The following CDK19 variants were observed in gnomAD, a reference collection of about 807,000 sequenced individuals.
CDK19 encodes cyclin-dependent kinase 19.
CDK19 carries 20 observed loss-of-function variants against 68.3 expected under a neutral mutation model. The observed-to-expected ratio is 0.29, with a 90% confidence interval of 0.21 to 0.43. CDK19 has a LOEUF of 0.43. Among genes scored for constraint, CDK19 ranks in the 20% least tolerant of loss-of-function variants. CDK19 has a pLI of 1.00. For missense variants in CDK19, 339 were observed against 623.5 expected (o/e 0.54, Z 4.86); for synonymous variants, 221 against 222.8 (o/e 0.99, Z 0.07).
At chr6:110,814,163 G>C in intron 1 of CDK19, 1 of 186,086 alleles carries the variant, frequency 5.4e-6, no homozygotes, top group South Asian at 8.7e-5. Context: ...CTGTCACTTC[G>C]TATTCCGTTC....
At chr6:110,809,880 A>C (rs1036176382) in intron 1 of CDK19, among the ~76,000 whole-genome samples, 2 of 152,234 alleles carry the variant, frequency 1.3e-5, no homozygotes, top group Non-Finnish European at 2.9e-5. Context: ...GTGACTTTAC[A>C]TATGTAAGAA....
chr6:110,707,436 T>C (rs930788767), intron 2 of CDK19, among the ~76,000 whole-genome samples: 2 of 152,136 alleles, frequency 1.3e-5, no homozygotes, highest in African/African-American at 2.4e-5. Flanking sequence ...TTTGGATACC[T>C]GGATACCTGT....
At chr6:110,663,402 A>G (rs752464212) in intron 4 of CDK19, among the ~76,000 whole-genome samples, 1 of 152,224 alleles carries the variant, frequency 6.6e-6, no homozygotes, top group Non-Finnish European at 1.5e-5. Flanking sequence ...TAAAGCAAGC[A>G]TACAGTTTAA....
intron 3 of CDK19, among the ~76,000 whole-genome samples, chr6:110,668,459 T>C (rs9386934): frequency 0.16 from 23,860 of 152,108 alleles, 2,089 homozygotes; most frequent in East Asian, 0.32. Flanking sequence ...AATAGAAAAA[T>C]AGAGTTTATA....
chr6:110,797,826 AAC>A (rs1782046290), intron 1 of CDK19, among the ~76,000 whole-genome samples: 1 of 151,962 alleles, frequency 6.6e-6, no homozygotes, highest in East Asian at 1.9e-4. Flanking sequence ...CTCTACTAAA[AAC>A]ACAAAAATTA....
chr6:110,775,161 C>G (rs1314503191), intron 1 of CDK19, among the ~76,000 whole-genome samples: 2 of 152,244 alleles, frequency 1.3e-5, no homozygotes, highest in African/African-American at 2.4e-5. Context: ...AGGAAAATTG[C>G]TTGAACCCTG....
intron 2 of CDK19, among the ~76,000 whole-genome samples, chr6:110,697,840 G>A (rs1406839096): frequency 3.3e-5 from 5 of 152,114 alleles, no homozygotes; most frequent in Admixed American, 2.6e-4. Context: ...GAACAGAATA[G>A]AGAACCCAGA....
chr6:110,717,304 G>GAT (rs1172437858), intron 2 of CDK19, among the ~76,000 whole-genome samples: 4 of 151,468 alleles, frequency 2.6e-5, no homozygotes, highest in African/African-American at 7.3e-5. Flanking sequence ...GATATATTTT[G>GAT]ATATATATAT....
chr6:110,683,570 G>C (rs1772194839), intron 2 of CDK19, among the ~76,000 whole-genome samples: 1 of 152,040 alleles, frequency 6.6e-6, no homozygotes, highest in Non-Finnish European at 1.5e-5. Context: ...TTTTCTCTCT[G>C]ACTTTTAAAT....
At chr6:110,755,979 G>A (rs996524716) in intron 1 of CDK19, among the ~76,000 whole-genome samples, 4 of 152,156 alleles carry the variant, frequency 2.6e-5, no homozygotes, top group Admixed American at 1.3e-4. Flanking sequence ...ATCTATTATG[G>A]CCAGATGCGG....
rs892872370 is a variant in CDK19 at position 110,621,017 on chromosome 6, T to G, written c.1377+87A>C. On this transcript the variant is annotated intron_variant, in intron 12 of 12. Transcript: ENST00000368911. The surrounding 1 kb of genome is among the most constrained non-coding windows in gnomAD (Gnocchi z 5.4). ...AGGATTGCACAGTCAAATGTAAGAGTTAAGTGTTACTTAACTCTAAAAGGA... is the reference window on the plus strand; with the variant it reads ...AGGATTGCACAGTCAAATGTAAGAGGTAAGTGTTACTTAACTCTAAAAGGA... The G allele has an allele frequency of 3.9e-6, 5 of 1,269,496 alleles. No individual in the cohort carries two copies. In the African/African-American group the frequency reaches 6.0e-5, roughly 15 times the overall value. 78.6% of individuals were successfully genotyped at this position (1,269,496 alleles called of 1,614,324 possible). A position where few individuals can be genotyped will look rare whatever the true frequency, so the allele number is the denominator to read the frequency against.
intron 2 of CDK19, among the ~76,000 whole-genome samples, chr6:110,736,091 C>T (rs1258084122): frequency 2.6e-5 from 4 of 152,194 alleles, no homozygotes; most frequent in African/African-American, 9.7e-5. Flanking sequence ...CCTGTAATCC[C>T]AGCACTTTGG....
At chr6:110,635,734 T>G (rs1043845770) in intron 5 of CDK19, among the ~76,000 whole-genome samples, 1 of 152,164 alleles carries the variant, frequency 6.6e-6, no homozygotes, top group Admixed American at 6.5e-5. Context: ...GAGACGGGGT[T>G]TCACCATGTT....
chr6:110,616,522 G>A (rs1178655834), intron 12 of CDK19, among the ~76,000 whole-genome samples: 1 of 152,006 alleles, frequency 6.6e-6, no homozygotes, highest in Admixed American at 6.6e-5. Flanking sequence ...ACAAAAATTA[G>A]CCAGGCATGG....
chr6:110,695,322 C>T (rs1773379046), intron 2 of CDK19, among the ~76,000 whole-genome samples: 1 of 152,114 alleles, frequency 6.6e-6, no homozygotes, highest in African/African-American at 2.4e-5. Flanking sequence ...AATAGTGACA[C>T]AACCTAGCAA....
intron 1 of CDK19, among the ~76,000 whole-genome samples, chr6:110,768,837 T>C (rs1021333608): frequency 8.6e-5 from 13 of 152,032 alleles, no homozygotes; most frequent in Admixed American, 5.2e-4. Context: ...ACCCATAGAA[T>C]ATACCTAATG....
intron 1 of CDK19, among the ~76,000 whole-genome samples, chr6:110,790,954 G>A (rs1401310533): frequency 6.6e-6 from 1 of 152,042 alleles, no homozygotes; most frequent in Admixed American, 6.6e-5. Flanking sequence ...GGTGGATCAC[G>A]AGGTCAGGAG....
intron 6 of CDK19, 75 bp from the exon 7 acceptor site, chr6:110,627,220 A>G: frequency 9.1e-7 from 1 of 1,101,090 alleles, no homozygotes; most frequent in Non-Finnish European, 1.3e-6. Context: ...CAGCCTACTT[A>G]TAAAAATACT....
Position 110,611,293 on chromosome 6 carries a change from C to T in CDK19, c.*3242G>A, listed in dbSNP as rs1332280540. 1 of 152,272 alleles carries T rather than the reference C, an allele frequency of 6.6e-6. No homozygotes were observed. The highest frequency in any genetic ancestry group is 1.5e-5 in the Non-Finnish European group (1 of 68,056). The allele number at this position is 152,272 out of a possible 1,614,324, so 9.4% of individuals were successfully genotyped here. A position where few individuals can be genotyped will look rare whatever the true frequency, so the allele number is the denominator to read the frequency against. On this transcript the variant is annotated 3_prime_UTR_variant, in exon 13 of 13. Transcript: ENST00000368911. ...TTCACTTGGATTCATTCCTTCCTGT[C>T]AATAACCCCTCCTAGTTTGGGTGTT... is the stretch of plus-strand genomic sequence containing the variant.
Sources: gnomAD v4.1 joint callset for allele counts (sites outside exome capture counted in the v4.1 genomes callset) on GRCh38, gnomAD v4.1.1 for gene constraint, Gnocchi (gnomAD v3.1) non-coding constraint, MANE v1.5 for transcripts, NCBI Gene and HGNC (gene_info 2026-07-23, HGNC 2026-07-21) for gene names.